ANK3: variants seen among roughly 807,000 people sequenced by gnomAD.
ANK3 encodes ankyrin-3.
Under a neutral mutation model 370.9 loss-of-function variants are expected in ANK3, and 57 were observed. That is an observed-to-expected ratio of 0.15 (90% CI 0.12 to 0.19). ANK3 has a LOEUF of 0.19. Ranked by LOEUF, ANK3 falls within the 10% of genes least tolerant of loss-of-function variation. The pLI is 1.00. For synonymous variants in ANK3, 1,929 were observed against 1,946.3 expected (o/e 0.99, Z 0.23); for missense variants, 4,439 against 5,302.1 (o/e 0.84, Z 5.06).
intron 23 of ANK3, among the ~76,000 whole-genome samples, chr10:60,165,065 A>T (rs189902589): frequency 6.6e-6 from 1 of 152,334 alleles, no homozygotes; most frequent in East Asian, 1.9e-4. Context: ...ATCCATATGT[A>T]TAAGGCTGTT....
intron 2 of ANK3, among the ~76,000 whole-genome samples, chr10:60,466,307 G>A (rs1186204885): frequency 6.6e-6 from 1 of 152,038 alleles, no homozygotes; most frequent in East Asian, 1.9e-4. Flanking sequence ...CAGGATAAGA[G>A]GTGTTTCTAA....
intron 2 of ANK3, among the ~76,000 whole-genome samples, chr10:60,442,585 T>C (rs546612809): frequency 4.9e-4 from 75 of 152,330 alleles, no homozygotes; most frequent in African/African-American, 1.6e-3. Context: ...ATGTAACCTA[T>C]GGATGTTGAA....
intron 2 of ANK3, among the ~76,000 whole-genome samples, chr10:60,455,314 G>C (rs1046814839): frequency 2.6e-5 from 4 of 152,084 alleles, no homozygotes; most frequent in African/African-American, 9.7e-5. Context: ...AAACATTCCT[G>C]ATTAATACAG....
intron 16 of ANK3, among the ~76,000 whole-genome samples, chr10:60,192,055 A>T (rs1296165214): frequency 6.6e-6 from 1 of 151,836 alleles, no homozygotes; most frequent in Non-Finnish European, 1.5e-5. Context: ...CACCATGCCC[A>T]GCTAATTTTT....
At chr10:60,205,738 C>A (rs2096753087) in intron 11 of ANK3, 54 bp downstream of exon 11, 5 of 1,348,290 alleles carry the variant, frequency 3.7e-6, no homozygotes, top group Non-Finnish European at 5.3e-6. Flanking sequence ...GCTCTGGCTG[C>A]TAAGGCTATA....
chr10:60,187,134 A>ATTTATTTTATTTTATTTTATTTTAT (rs141378213), intron 16 of ANK3, among the ~76,000 whole-genome samples: 280 of 144,838 alleles, frequency 1.9e-3, no homozygotes, highest in African/African-American at 6.7e-3. Context: ...TGGACATTTT[A>ATTTATTTTATTTTATTTTATTTTAT]TTTATTTTAT....
chr10:60,582,580 T>G (rs2077769988), intron 2 of ANK3, among the ~76,000 whole-genome samples: 1 of 151,648 alleles, frequency 6.6e-6, no homozygotes, highest in African/African-American at 2.4e-5. Flanking sequence ...ATGTACCACC[T>G]CAAGGTCACT....
chr10:60,213,533 C>T lies in ANK3; in HGVS notation c.898-23G>A, dbSNP rs770602756. The T allele has an allele frequency of 9.9e-6, 15 of 1,510,452 alleles. No homozygotes were observed. In the East Asian group the frequency reaches 3.3e-4, roughly 33 times the overall value. 93.6% of individuals were successfully genotyped at this position (1,510,452 alleles called of 1,614,324 possible). Reference sequence around the variant, plus strand: ...ATCCTGTTGAACAAAGGAAACATCACCAATTAAATTTGACAATAAATTCTA... The same window carrying T: ...ATCCTGTTGAACAAAGGAAACATCATCAATTAAATTTGACAATAAATTCTA... On this transcript the variant is annotated intron_variant, in intron 8 of 43. Coordinates refer to ENST00000280772, the MANE Select transcript of ANK3 (RefSeq NM_020987.5).
At chr10:60,102,073 C>T (rs934640026) in intron 28 of ANK3, among the ~76,000 whole-genome samples, 4 of 151,308 alleles carry the variant, frequency 2.6e-5, no homozygotes, top group Non-Finnish European at 5.9e-5. Context: ...TCATAATCAA[C>T]GATGACCAGG....
chr10:60,499,702 G>A (rs1348970829), intron 2 of ANK3, among the ~76,000 whole-genome samples: 1 of 152,080 alleles, frequency 6.6e-6, no homozygotes, highest in Non-Finnish European at 1.5e-5. Context: ...ATTACTAAGA[G>A]GCCAACTCAA....
intron 1 of ANK3, among the ~76,000 whole-genome samples, chr10:60,348,377 A>C (rs1224027640): frequency 1.4e-5 from 2 of 145,918 alleles, no homozygotes; most frequent in Non-Finnish European, 3.0e-5. Context: ...AAAACACAAA[A>C]AACAAAAAAA....
intron 43 of ANK3, among the ~76,000 whole-genome samples, chr10:60,038,767 A>G (rs1231979144): frequency 6.6e-6 from 1 of 152,192 alleles, no homozygotes; most frequent in South Asian, 2.1e-4. Context: ...TGAAGAAATG[A>G]AAGATCACAC....
At chr10:60,575,959 T>C (rs764601832) in intron 2 of ANK3, among the ~76,000 whole-genome samples, 14 of 152,326 alleles carry the variant, frequency 9.2e-5, no homozygotes, top group Middle Eastern at 6.8e-3. Flanking sequence ...AAAATTGCTC[T>C]GTGTAAAAGA....
At chr10:60,714,477 G>C (rs1330058072) in intron 1 of ANK3, among the ~76,000 whole-genome samples, 1 of 152,114 alleles carries the variant, frequency 6.6e-6, no homozygotes, top group Non-Finnish European at 1.5e-5. Context: ...CATAAACACA[G>C]ATGTAAGAGT....
At chr10:60,492,719 A>AG (rs1473017124) in intron 2 of ANK3, among the ~76,000 whole-genome samples, 2 of 143,756 alleles carry the variant, frequency 1.4e-5, no homozygotes, top group African/African-American at 5.3e-5. Context: ...AAAAAAAAAA[A>AG]AAAAAGAAAG....
At chr10:60,413,677 G>A (rs2063604301) in intron 2 of ANK3, among the ~76,000 whole-genome samples, 1 of 152,154 alleles carries the variant, frequency 6.6e-6, no homozygotes, top group Non-Finnish European at 1.5e-5. Context: ...TCAGAATCAT[G>A]CAGAGTATTT....
intron 1 of ANK3, among the ~76,000 whole-genome samples, chr10:60,619,498 T>G (rs2078307683): frequency 6.6e-6 from 1 of 152,188 alleles, no homozygotes; most frequent in East Asian, 1.9e-4. Context: ...GCTTTGCCCT[T>G]TTCATAGGCC....
intron 1 of ANK3, among the ~76,000 whole-genome samples, chr10:60,714,087 G>T (rs1456346275): frequency 1.3e-5 from 2 of 152,032 alleles, no homozygotes; most frequent in South Asian, 4.1e-4. Flanking sequence ...AACATCAAAA[G>T]AATAATAACA....
At chr10:60,643,500 A>ATATCTACCTATC (rs370999914) in intron 1 of ANK3, among the ~76,000 whole-genome samples, 4,592 of 146,800 alleles carry the variant, frequency 0.031, 90 homozygotes, top group South Asian at 0.065. Context: ...ACTCCCCTTT[A>ATATCTACCTATC]TATCTATCTA....
Sources: gnomAD v4.1 joint callset for allele counts (sites outside exome capture counted in the v4.1 genomes callset) on GRCh38, gnomAD v4.1.1 for gene constraint, MANE v1.5 for transcripts, NCBI Gene and HGNC (gene_info 2026-07-23, HGNC 2026-07-21) for gene names.